Variants in TOGARAM2 observed in about 807,000 individuals in gnomAD.
The protein encoded by TOGARAM2 is TOG array regulator of axonemal microtubules 2, also known as TOG array regulator of axonemal microtubules protein 2.
Under a neutral mutation model 93.3 loss-of-function variants are expected in TOGARAM2, and 85 were observed. That is an observed-to-expected ratio of 0.91 (90% CI 0.76 to 1.09). The LOEUF (loss-of-function observed/expected upper bound fraction) is 1.09, where lower values mean the gene tolerates loss of function less well. TOGARAM2 is among the 50% of genes least tolerant of loss of function. The pLI is 0.00. For synonymous variants in TOGARAM2, 593 were observed against 552.8 expected, an observed-to-expected ratio of 1.07 and a Z score of -1.02; for missense variants, 1,277 against 1,334.5, an observed-to-expected ratio of 0.96 and a Z score of 0.67.
intron 6 of TOGARAM2, among the ~76,000 whole-genome samples, chr2:29,008,133 T>G (rs1664000523): frequency 6.6e-6 from 1 of 152,212 alleles, no homozygotes; most frequent in Non-Finnish European, 1.5e-5. Context: ...TTTGTTTTAT[T>G]TATTTGTTTT....
At chr2:29,021,051 T>C (rs1664912570) in intron 10 of TOGARAM2, among the ~76,000 whole-genome samples, 1 of 152,138 alleles carries the variant, frequency 6.6e-6, no homozygotes, top group South Asian at 2.1e-4. Context: ...GTATCTGGGA[T>C]TACAGGCATG....
At chr2:29,009,655 G>C (rs1330306344) in intron 6 of TOGARAM2, among the ~76,000 whole-genome samples, 3 of 152,162 alleles carry the variant, frequency 2.0e-5, no homozygotes, top group Non-Finnish European at 4.4e-5. Context: ...ACCCTTCTTG[G>C]AGACAGGGCA....
At chr2:28,983,747 G>T (rs1310015395) in intron 1 of TOGARAM2, among the ~76,000 whole-genome samples, 1 of 152,126 alleles carries the variant, frequency 6.6e-6, no homozygotes, top group Non-Finnish European at 1.5e-5. Context: ...TTTCCCAAGG[G>T]TTTGTGCCCA....
chr2:29,017,658 A>C, intron 9 of TOGARAM2, 134 bp from the exon 10 acceptor site: 2 of 832,856 alleles, frequency 2.4e-6, no homozygotes, highest in Non-Finnish European at 3.6e-6. Context: ...CCATCCTCCT[A>C]CCTCGGACTC....
chr2:28,962,047 A>G (rs964219117), intron 1 of TOGARAM2, among the ~76,000 whole-genome samples: 1 of 152,178 alleles, frequency 6.6e-6, no homozygotes, highest in Non-Finnish European at 1.5e-5. Context: ...AGTTGGGCCT[A>G]TTATTCTTCC....
intron 18 of TOGARAM2, among the ~76,000 whole-genome samples, chr2:29,043,459 A>C (rs1277998745): frequency 2.0e-5 from 3 of 152,134 alleles, no homozygotes; most frequent in Non-Finnish European, 4.4e-5. Context: ...AAAAAGTGAG[A>C]CTGGAAAGAC....
chr2:29,025,051 C>G (rs1665259755), intron 13 of TOGARAM2, among the ~76,000 whole-genome samples: 1 of 152,188 alleles, frequency 6.6e-6, no homozygotes, highest in South Asian at 2.1e-4. Context: ...CCTCTCCACC[C>G]CATAAGTGGA....
At position 29,033,550 on chromosome 2, in the gene TOGARAM2, C is replaced by T. The variant is rs763853591; in HGVS notation, c.2212C>T (p.Pro738Ser). ...TCTGGTGGTGTGTGAGAACGGGCTG[C>T]CCATCAAGGAGGGGTATGGCTGCTC... ...RSLVVCENGLPIKEGLSCNGP... is the reference protein window; with the variant it reads ...RSLVVCENGLSIKEGLSCNGP... The change falls in exon 16 of 20, where the codon CCC becomes TCC. Residue 738 changes from proline to serine, a missense_variant. By Grantham distance (74) the Pro-to-Ser change is moderately conservative. Coordinates refer to ENST00000379558, the MANE Select transcript of TOGARAM2 (RefSeq NM_199280.4). 2.5e-6 allele frequency: 4 copies of T among 1,613,216 alleles called. No homozygotes were observed. The highest frequency in any genetic ancestry group is 2.7e-5 in the African/African-American group (2 of 74,914).
intron 3 of TOGARAM2, 140 bp downstream of exon 3, chr2:28,998,393 ATTCTT>A: frequency 3.2e-6 from 2 of 623,802 alleles, no homozygotes; most frequent in Non-Finnish European, 5.6e-6. Flanking sequence ...ATACCCTTTG[ATTCTT>A]TCAAAGGCAG....
chr2:28,970,711 A>G (rs1671937847), intron 1 of TOGARAM2, among the ~76,000 whole-genome samples: 1 of 151,672 alleles, frequency 6.6e-6, no homozygotes, highest in Admixed American at 6.6e-5. Flanking sequence ...ACCTGCGCCC[A>G]CTCTATTGGC....
intron 6 of TOGARAM2, among the ~76,000 whole-genome samples, chr2:29,009,796 G>A (rs1180874626): frequency 6.6e-6 from 1 of 152,022 alleles, no homozygotes; most frequent in Non-Finnish European, 1.5e-5. Context: ...CACCTCCTTG[G>A]GGCCTGCGGA....
intron 14 of TOGARAM2, among the ~76,000 whole-genome samples, chr2:29,030,779 C>G (rs992723884): frequency 6.6e-6 from 1 of 152,160 alleles, no homozygotes; most frequent in Admixed American, 6.5e-5. Flanking sequence ...TCTGGTGGCT[C>G]CAGCCACCAG....
chr2:29,002,413 G>T, intron 4 of TOGARAM2, 123 bp from the exon 5 acceptor site: 1 of 814,408 alleles, frequency 1.2e-6, no homozygotes. Flanking sequence ...GGACAGATCT[G>T]ATCTCTCTCC....
intron 2 of TOGARAM2, 68 bp downstream of exon 2, chr2:28,994,930 C>G (rs1200520749): frequency 6.5e-7 from 1 of 1,530,374 alleles, no homozygotes; most frequent in Admixed American, 2.0e-5. Flanking sequence ...CGGACACTCC[C>G]AAGGGCCAGA....
intron 10 of TOGARAM2, among the ~76,000 whole-genome samples, chr2:29,020,676 C>A (rs984447821): frequency 2.0e-5 from 3 of 152,152 alleles, no homozygotes; most frequent in Non-Finnish European, 4.4e-5. Flanking sequence ...GGAAGGGGGG[C>A]AGCAGGGCAG....
chr2:28,966,760 G>A (rs1005345158), intron 1 of TOGARAM2, among the ~76,000 whole-genome samples: 1 of 152,144 alleles, frequency 6.6e-6, no homozygotes, highest in African/African-American at 2.4e-5. Flanking sequence ...ATGTGTATAT[G>A]TATCTATAAA....
chr2:28,991,683 C>CT (rs1211840951), intron 1 of TOGARAM2, among the ~76,000 whole-genome samples: 2 of 152,188 alleles, frequency 1.3e-5, no homozygotes, highest in Non-Finnish European at 2.9e-5. Context: ...TGCACGCTCC[C>CT]TGTGGACTGT....
chr2:28,999,475 A>G lies in TOGARAM2; in HGVS notation c.427+7A>G, dbSNP rs768398190. 6.3e-7 allele frequency: 1 copy of G among 1,588,926 alleles called. No homozygotes were observed. Among genetic ancestry groups the G allele is most frequent in the Admixed American group, 1.7e-5 (1 of 57,826 alleles). On this transcript the variant is annotated splice_region_variant and intron_variant, in intron 4 of 19. Transcript: ENST00000379558. The stretch of plus-strand genomic sequence containing the variant: ...TTGGCAGCGTCTTCCCGAGGTGAGC[A>G]CTGGCCCCTGCCCACCCCTCACCCA...
chr2:28,996,309 C>A (rs1045761461), intron 2 of TOGARAM2, among the ~76,000 whole-genome samples: 8 of 152,088 alleles, frequency 5.3e-5, no homozygotes, highest in African/African-American at 1.9e-4. Flanking sequence ...GAGCTATAGT[C>A]ACCCTACTAT....
Sources: gnomAD v4.1 joint callset for allele counts (sites outside exome capture counted in the v4.1 genomes callset) on GRCh38, gnomAD v4.1.1 for gene constraint, MANE v1.5 for transcripts, NCBI Gene and HGNC (gene_info 2026-07-23, HGNC 2026-07-21) for gene names.